SERPINI1: variants seen among roughly 807,000 people sequenced by gnomAD.
SERPINI1 encodes serpin family I member 1, also known as neuroserpin.
Under a neutral mutation model 41.1 loss-of-function variants are expected in SERPINI1, and 19 were observed. The ratio of observed to expected loss-of-function variants is 0.46; its 90% confidence interval spans 0.32 to 0.68. The LOEUF is 0.68. Among genes scored for constraint, SERPINI1 ranks in the 30% least tolerant of loss-of-function variants. SERPINI1 has a pLI of 0.03. For missense variants in SERPINI1, 460 were observed against 479.2 expected (o/e 0.96, Z 0.37); for synonymous variants, 138 against 156.6 (o/e 0.88, Z 0.89).
chr3:167,803,505 A>G (rs754154028), intron 5 of SERPINI1, among the ~76,000 whole-genome samples: 3 of 152,156 alleles, frequency 2.0e-5, no homozygotes, highest in African/African-American at 7.2e-5. Flanking sequence ...TGCCTCCTGC[A>G]TGCTAGCACC....
At chr3:167,759,378 A>C (rs1247231435) in intron 1 of SERPINI1, among the ~76,000 whole-genome samples, 1 of 139,022 alleles carries the variant, frequency 7.2e-6, no homozygotes, top group Non-Finnish European at 1.6e-5. Context: ...AGTGTCCATC[A>C]ACATTGGATA....
chr3:167,807,110 C>A, intron 5 of SERPINI1, 134 bp from the exon 6 acceptor site: 2 of 663,892 alleles, frequency 3.0e-6, no homozygotes, highest in Admixed American at 2.6e-5. Context: ...ATGCTAATTG[C>A]AGTCAAAAGC....
At chr3:167,824,364 G>T in intron 7 of SERPINI1, 109 bp from the exon 8 acceptor site, 1 of 763,170 alleles carries the variant, frequency 1.3e-6, no homozygotes. Context: ...CTTGTTTCCT[G>T]TAAATTGTTG....
chr3:167,799,009 A>AT (rs985654137), intron 5 of SERPINI1, among the ~76,000 whole-genome samples: 1 of 151,916 alleles, frequency 6.6e-6, no homozygotes, highest in African/African-American at 2.4e-5. Flanking sequence ...TTAGCTTTTT[A>AT]TTTTTTCATA....
rs563563407 is a variant in SERPINI1, at chr3:167,817,743, G to A, written c.980-5243G>A. Reference sequence around the variant, plus strand: ...CTCCCGAGTAGCTGGGACTACAGGCGCCCACCACCACGCCTGGCTAATTTT... The same window carrying A: ...CTCCCGAGTAGCTGGGACTACAGGCACCCACCACCACGCCTGGCTAATTTT... On this transcript the variant is annotated intron_variant, in intron 6 of 8. Transcript: ENST00000446050. Among the ~76,000 whole-genome samples the A allele has an allele frequency of 3.1e-3, 460 of 148,960 alleles. 4 individuals carry two copies. The highest frequency in any genetic ancestry group is 0.011 in the African/African-American group (441 of 39,702).
chr3:167,822,739 AT>A (rs1205551327), intron 6 of SERPINI1, among the ~76,000 whole-genome samples: 1 of 152,156 alleles, frequency 6.6e-6, no homozygotes, highest in African/African-American at 2.4e-5. Context: ...TTCTGAAAAT[AT>A]AAGACATACA....
At chr3:167,824,113 C>A (rs2108575898) in intron 7 of SERPINI1, among the ~76,000 whole-genome samples, 2 of 152,162 alleles carry the variant, frequency 1.3e-5, no homozygotes, top group Non-Finnish European at 2.9e-5. Context: ...TCTTTATTCT[C>A]CCCCTTCCTT....
At chr3:167,780,116 A>G (rs912821813) in intron 1 of SERPINI1, among the ~76,000 whole-genome samples, 4 of 152,110 alleles carry the variant, frequency 2.6e-5, no homozygotes, top group Admixed American at 6.6e-5. Context: ...ATACCATGGC[A>G]TATTATTCCC....
At chr3:167,752,213 A>T (rs1486180336) in intron 1 of SERPINI1, among the ~76,000 whole-genome samples, 1 of 150,136 alleles carries the variant, frequency 6.7e-6, no homozygotes, top group Non-Finnish European at 1.5e-5. Context: ...ATGTGCTCAT[A>T]ACTCCTAAAT....
chr3:167,783,261 A>G, intron 1 of SERPINI1, among the ~76,000 whole-genome samples: 1 of 152,158 alleles, frequency 6.6e-6, no homozygotes, highest in East Asian at 1.9e-4. Context: ...CCAGGGTGCA[A>G]CATGGAATGA....
At chr3:167,822,875 G>T in intron 6 of SERPINI1, 111 bp from the exon 7 acceptor site, 1 of 695,600 alleles carries the variant, frequency 1.4e-6, no homozygotes, top group Non-Finnish European at 2.6e-6. Context: ...TATCTCCTAG[G>T]TTTTCTTCAG....
chr3:167,817,314 A>G (rs971026905), intron 6 of SERPINI1, among the ~76,000 whole-genome samples: 6 of 152,060 alleles, frequency 3.9e-5, no homozygotes, highest in African/African-American at 1.4e-4. Context: ...TCTTTCTTAT[A>G]TTGTTGGGTT....
At chr3:167,807,405 T>C in intron 6 of SERPINI1, 64 bp downstream of exon 6, 1 of 1,051,112 alleles carries the variant, frequency 9.5e-7, no homozygotes, top group Non-Finnish European at 1.5e-6. Flanking sequence ...ATGATGATAT[T>C]AAATCCTCTA....
intron 3 of SERPINI1, 106 bp downstream of exon 3, chr3:167,790,708 C>T (rs1291602076): frequency 4.9e-6 from 4 of 813,488 alleles, no homozygotes; most frequent in Non-Finnish European, 8.3e-6. Context: ...TGTTTGAGAG[C>T]ATTTAGTTGG....
intron 6 of SERPINI1, among the ~76,000 whole-genome samples, chr3:167,813,709 A>G (rs1221888051): frequency 6.6e-6 from 1 of 152,140 alleles, no homozygotes; most frequent in Admixed American, 6.5e-5. Context: ...ATTTGTTTAC[A>G]TACTTGTCTC....
chr3:167,747,088 C>T (rs1248011301), intron 1 of SERPINI1, among the ~76,000 whole-genome samples: 1 of 152,104 alleles, frequency 6.6e-6, no homozygotes, highest in Non-Finnish European at 1.5e-5. Context: ...TATTATTTGA[C>T]GATTAAAAGG....
rs544559581 is a variant in SERPINI1 at position 167,805,035 on chromosome 3, T to C, written c.882-2209T>C. Among the ~76,000 whole-genome samples, 102 of 152,328 alleles carry C rather than the reference T, an allele frequency of 6.7e-4. 1 individual carries two copies. Among genetic ancestry groups the C allele is most frequent in the African/African-American group, 2.2e-3 (91 of 41,582 alleles). ...TTATTTTCATTTTGTTTTAAAATAA[T>C]GTTTTATTTTTTCAAAATTGATACA... On this transcript the variant is annotated intron_variant, in intron 5 of 8. Transcript: ENST00000446050.
At chr3:167,744,151 G>C (rs1725766570) in intron 1 of SERPINI1, among the ~76,000 whole-genome samples, 1 of 151,908 alleles carries the variant, frequency 6.6e-6, no homozygotes, top group Admixed American at 6.6e-5. Context: ...TCAAATTTTT[G>C]TTCCATAATC....
chr3:167,785,305 G>T lies in SERPINI1; in HGVS notation c.-18-3806G>T, dbSNP rs114188258. 1.1e-4 allele frequency among the ~76,000 whole-genome samples: 17 copies of T among 152,232 alleles called. No individual in the cohort carries two copies. The South Asian group carries it at 3.3e-3, about 30-fold the overall frequency. ...TTTCCTTAATAATTTTGCAGAGTGC[G>T]GATTAATACCTTTTTTCATTAATGA... On this transcript the variant is annotated intron_variant, in intron 1 of 8. Coordinates refer to ENST00000446050, the MANE Select transcript of SERPINI1 (RefSeq NM_001122752.2).
Sources: gnomAD v4.1 joint callset for allele counts (sites outside exome capture counted in the v4.1 genomes callset) on GRCh38, gnomAD v4.1.1 for gene constraint, MANE v1.5 for transcripts, NCBI Gene and HGNC (gene_info 2026-07-23, HGNC 2026-07-21) for gene names.